TRPM4: variants seen among roughly 807,000 people sequenced by gnomAD.
TRPM4 encodes transient receptor potential cation channel subfamily M member 4, also known as calcium-activated non-selective cation channel 1.
A neutral mutation model predicts 135.6 loss-of-function variants in TRPM4; 124 were observed. The ratio of observed to expected loss-of-function variants is 0.91; its 90% CI spans 0.79 to 1.06. The LOEUF (loss-of-function observed/expected upper bound fraction) is 1.06, where lower values mean the gene tolerates loss of function less well. TRPM4 is among the 50% of genes least tolerant of loss of function. The pLI is 0.00. For missense variants in TRPM4, 1,658 were observed against 1,671.4 expected, an observed-to-expected ratio of 0.99 and a Z score of 0.14; for synonymous variants, 745 against 705.6, an observed-to-expected ratio of 1.06 and a Z score of -0.88.
At chr19:49,189,119 A>T (rs1004538872) in intron 14 of TRPM4, 28 bp downstream of exon 14, 4 of 1,613,586 alleles carry the variant, frequency 2.5e-6, no homozygotes, top group Non-Finnish European at 2.5e-6. Flanking sequence ...CAACATCCCA[A>T]ACAGTCTCCA....
intron 9 of TRPM4, among the ~76,000 whole-genome samples, chr19:49,178,045 C>T (rs1336007558): frequency 6.6e-6 from 1 of 152,124 alleles, no homozygotes. Context: ...AAAAAAGACT[C>T]TCTGGCCAAG....
At chr19:49,180,768 C>A (rs1967886863) in intron 9 of TRPM4, among the ~76,000 whole-genome samples, 1 of 152,032 alleles carries the variant, frequency 6.6e-6, no homozygotes. Flanking sequence ...TCTGCCCCAT[C>A]TTGTTTCCTC....
intron 16 of TRPM4, among the ~76,000 whole-genome samples, chr19:49,193,564 G>GC (rs1203883571): frequency 1.3e-5 from 2 of 151,820 alleles, no homozygotes; most frequent in East Asian, 1.9e-4. Context: ...CCCCTGTGGA[G>GC]CCCCCCCACT....
chr19:49,203,256 T>C (rs1720295806), intron 20 of TRPM4, among the ~76,000 whole-genome samples: 1 of 151,970 alleles, frequency 6.6e-6, no homozygotes, highest in Admixed American at 6.6e-5. Context: ...CTCAGCTTAC[T>C]GCAACCTCCA....
At position 49,200,423 on chromosome 19, in the gene TRPM4, G is replaced by A. The variant is rs1038658420; in HGVS notation, c.2769G>A (p.Val923=). The A allele has an allele frequency of 3.1e-6, 5 of 1,609,058 alleles. No homozygotes were observed. The African/African-American group carries it at 6.7e-5, about 22-fold the overall frequency. The change falls in exon 18 of 25, where the codon GTG becomes GTA. Residue 923 remains valine (V), a synonymous_variant. Transcript: ENST00000252826. ...AGCTGGGGCCCAAGATCGTCATCGT[G>A]AGCAAGATGGTGAGGCAGGGGCGGG... The part of the protein sequence containing the change: ...NKQLGPKIVI[V]SKMMKDVFFF...
intron 2 of TRPM4, among the ~76,000 whole-genome samples, chr19:49,160,826 A>C (rs1966933261): frequency 6.6e-6 from 1 of 151,724 alleles, no homozygotes; most frequent in South Asian, 2.1e-4. Flanking sequence ...TAGTGGCCTG[A>C]GCCAGGTCAG....
At chr19:49,168,769 G>T in intron 6 of TRPM4, 33 bp downstream of exon 6, 1 of 1,565,212 alleles carries the variant, frequency 6.4e-7, no homozygotes, top group South Asian at 1.2e-5. Context: ...CACAACCCAC[G>T]ACCCACAACC....
intron 9 of TRPM4, among the ~76,000 whole-genome samples, chr19:49,174,795 A>C (rs1018185655): frequency 6.6e-6 from 1 of 151,262 alleles, no homozygotes; most frequent in Non-Finnish European, 1.5e-5. Context: ...CTGGACCTTG[A>C]TAAGTCAGTA....
chr19:49,196,417 C>T, intron 16 of TRPM4, 23 bp from the exon 17 acceptor site: 2 of 1,522,154 alleles, frequency 1.3e-6, no homozygotes, highest in South Asian at 1.3e-5. Flanking sequence ...AGGCCTCCTC[C>T]CTTCTCTTCT....
rs1967475145 is a variant in TRPM4, at chr19:49,171,890, G to A, written c.1051-119G>A. On this transcript the variant is annotated intron_variant, in intron 8 of 24. Transcript: ENST00000252826. This position sits in a 1 kb window ranked among gnomAD's most constrained non-coding sequence, Gnocchi z 4.7. ...CTTCCAGGTTCCGGGAGAAGAGGGT[G>A]CTGGGCATATAGACTATTAGGTCCT... 1 of 1,379,896 alleles carries A rather than the reference G, an allele frequency of 7.2e-7. No homozygotes were observed. The highest frequency in any genetic ancestry group is 1.2e-5 in the South Asian group (1 of 84,344). 85.5% of individuals were successfully genotyped at this position (1,379,896 alleles called of 1,614,324 possible). A position where few individuals can be genotyped will look rare whatever the true frequency, so the allele number is the denominator to read the frequency against.
At chr19:49,199,436 T>G (rs974882339) in intron 17 of TRPM4, among the ~76,000 whole-genome samples, 1 of 152,140 alleles carries the variant, frequency 6.6e-6, no homozygotes, top group African/African-American at 2.4e-5. Context: ...TTTTTTGTAT[T>G]TTGTAGTAGA....
chr19:49,175,664 C>CTT (rs545301831), intron 9 of TRPM4, among the ~76,000 whole-genome samples: 1 of 140,046 alleles, frequency 7.1e-6, no homozygotes. Flanking sequence ...CTTTCTTTTT[C>CTT]TTTTTTTTTT....
chr19:49,191,438 T>A (rs1968408686), intron 16 of TRPM4, among the ~76,000 whole-genome samples: 1 of 152,050 alleles, frequency 6.6e-6, no homozygotes, highest in Non-Finnish European at 1.5e-5. Flanking sequence ...CCTCCTGACC[T>A]CAAGTGATCC....
chr19:49,210,749 C>G lies in TRPM4; in HGVS notation c.3368C>G (p.Thr1123Arg), dbSNP rs376758817. 1 of 1,614,158 alleles carries G rather than the reference C, an allele frequency of 6.2e-7. No homozygotes were observed. The highest frequency in any genetic ancestry group is 8.5e-7 in the Non-Finnish European group (1 of 1,180,040). The change falls in exon 22 of 25, where the codon ACG becomes AGG. Residue 1123 changes from threonine (T) to arginine (R), a missense_variant. Physicochemically the swap from Thr to Arg is moderately conservative, Grantham distance 71 (BLOSUM62 -1). Coordinates refer to ENST00000252826, the MANE Select transcript of TRPM4 (RefSeq NM_017636.4). This position sits in a 1 kb window ranked among gnomAD's most constrained non-coding sequence, Gnocchi z 4.1. Reference sequence around the variant, plus strand: ...AAGGAAGCCGAGCGGAAGCTGCTAACGTGGGAATCGGTGCATAAGGAGAAC... The same window carrying G: ...AAGGAAGCCGAGCGGAAGCTGCTAAGGTGGGAATCGGTGCATAAGGAGAAC... ...LSKEAERKLL[T>R]WESVHKENFL...
At chr19:49,186,097 G>T (rs957175870) in intron 12 of TRPM4, among the ~76,000 whole-genome samples, 2 of 152,128 alleles carry the variant, frequency 1.3e-5, no homozygotes, top group African/African-American at 4.8e-5. Context: ...TGTATTCTTT[G>T]CATGTGTGGC....
At chr19:49,164,962 C>T (rs933991082) in intron 2 of TRPM4, among the ~76,000 whole-genome samples, 2 of 151,756 alleles carry the variant, frequency 1.3e-5, no homozygotes, top group South Asian at 2.1e-4. Context: ...CAGCTGGTCT[C>T]GAACTCCTGG....
At chr19:49,174,876 G>C (rs1036850719) in intron 9 of TRPM4, among the ~76,000 whole-genome samples, 13 of 151,572 alleles carry the variant, frequency 8.6e-5, no homozygotes, top group African/African-American at 3.2e-4. Context: ...CTCTGTGTGG[G>C]GAGGGTCATT....
At chr19:49,181,264 A>G (rs1967908364) in intron 9 of TRPM4, 85 bp from the exon 10 acceptor site, 1 of 999,712 alleles carries the variant, frequency 1.0e-6, no homozygotes, top group Non-Finnish European at 1.6e-6. Context: ...TAAAAGTCAG[A>G]CATGCAAAAT....
At chr19:49,194,655 CTCTCTG>C (rs1315909900) in intron 16 of TRPM4, among the ~76,000 whole-genome samples, 54 of 61,244 alleles carry the variant, frequency 8.8e-4, no homozygotes, top group Non-Finnish European at 1.1e-3. Context: ...CTCTCTTTCT[CTCTCTG>C]TCCCTCCCTC....
Sources: allele counts gnomAD v4.1 joint callset (sites outside exome capture counted in the v4.1 genomes callset), GRCh38; gene constraint gnomAD v4.1.1; non-coding constraint Gnocchi (gnomAD v3.1); transcripts MANE v1.5; gene names NCBI Gene and HGNC (gene_info 2026-07-23, HGNC 2026-07-21).